BNC2: variants seen among roughly 807,000 people sequenced by gnomAD.
BNC2 encodes basonuclin zinc finger protein 2.
BNC2 carries 20 observed loss-of-function variants against 76.3 expected under a neutral mutation model. The ratio of observed to expected loss-of-function variants is 0.26; its 90% CI spans 0.18 to 0.38. The LOEUF (loss-of-function observed/expected upper bound fraction) is 0.38. Ranked by LOEUF, BNC2 falls within the 10% of genes least tolerant of loss-of-function variation. The probability of loss-of-function intolerance (pLI) is 1.00; values close to 1 mark genes in which losing one functional copy is unlikely to be tolerated. For synonymous variants in BNC2, 582 were observed against 514.8 expected (o/e 1.13, Z -1.77); for missense variants, 1,382 against 1,399.8 (o/e 0.99, Z 0.20).
intron 3 of BNC2, 113 bp downstream of exon 3, chr9:16,727,684 G>C: frequency 1.1e-6 from 1 of 897,806 alleles, no homozygotes; most frequent in Non-Finnish European, 1.7e-6. Flanking sequence ...ACTAGGAAGT[G>C]ACCACATTTT....
chr9:16,795,031 C>T (rs1185598175), intron 1 of BNC2, among the ~76,000 whole-genome samples: 2 of 152,208 alleles, frequency 1.3e-5, no homozygotes, highest in Non-Finnish European at 2.9e-5. Flanking sequence ...TCATTCTTCA[C>T]AGGGTTCACT....
At position 16,416,572 on chromosome 9, in the gene BNC2, A is replaced by G. The variant is rs149083323; in HGVS notation, c.*2417T>C. 5 of 152,738 alleles carry G rather than the reference A, an allele frequency of 3.3e-5. No homozygotes were observed. In the South Asian group the frequency reaches 6.2e-4, roughly 19 times the overall value. The allele number at this position is 152,738 out of a possible 1,614,324, so 9.5% of individuals were successfully genotyped here. ...TTCAAAGTACAAGAAAACAAAAACG[A>G]TTATTACTAATTCCTCAGCTTTTTA... On this transcript the variant is annotated 3_prime_UTR_variant, in exon 7 of 7. Coordinates refer to ENST00000380672, the MANE Select transcript of BNC2 (RefSeq NM_017637.6).
intron 5 of BNC2, among the ~76,000 whole-genome samples, chr9:16,505,083 CTCA>C (rs1320244706): frequency 6.6e-6 from 1 of 152,180 alleles, no homozygotes; most frequent in African/African-American, 2.4e-5. Flanking sequence ...CCTTGTTTCC[CTCA>C]TCTGTAAAAT....
chr9:16,832,969 C>CT (rs1042169218), intron 1 of BNC2, among the ~76,000 whole-genome samples: 1 of 152,080 alleles, frequency 6.6e-6, no homozygotes, highest in African/African-American at 2.4e-5. Flanking sequence ...GGTGATCCGC[C>CT]TGCCTTGACC....
At chr9:16,700,897 C>A (rs1175635358) in intron 3 of BNC2, among the ~76,000 whole-genome samples, 2 of 152,064 alleles carry the variant, frequency 1.3e-5, no homozygotes, top group Non-Finnish European at 2.9e-5. Context: ...AACCTGAGAT[C>A]GGGCCCCTGC....
chr9:16,551,169 T>C (rs540274816), intron 5 of BNC2, among the ~76,000 whole-genome samples: 2 of 152,324 alleles, frequency 1.3e-5, no homozygotes, highest in South Asian at 4.1e-4. Context: ...TTGCTACTAT[T>C]ATCACCATCA....
At chr9:16,450,457 C>T (rs1397908790) in intron 5 of BNC2, among the ~76,000 whole-genome samples, 1 of 152,150 alleles carries the variant, frequency 6.6e-6, no homozygotes, top group Non-Finnish European at 1.5e-5. Flanking sequence ...AAAACATTTT[C>T]AGATGTAAAA....
At chr9:16,608,153 GAA>G (rs1343650936) in intron 3 of BNC2, among the ~76,000 whole-genome samples, 1 of 152,150 alleles carries the variant, frequency 6.6e-6, no homozygotes, top group Non-Finnish European at 1.5e-5. Flanking sequence ...TCCATGAGCA[GAA>G]AAAGATTCCT....
chr9:16,539,758 G>A (rs867737258), intron 5 of BNC2, among the ~76,000 whole-genome samples: 25 of 86,120 alleles, frequency 2.9e-4, no homozygotes, highest in African/African-American at 1.7e-3. Flanking sequence ...GGGAAGGAAA[G>A]GAAAGGAAAA....
intron 1 of BNC2, among the ~76,000 whole-genome samples, chr9:16,819,436 G>C (rs1027273648): frequency 6.6e-6 from 1 of 152,186 alleles, no homozygotes; most frequent in Non-Finnish European, 1.5e-5. Flanking sequence ...GCCAAGCTGG[G>C]TGGATCACCT....
intron 3 of BNC2, among the ~76,000 whole-genome samples, chr9:16,595,109 T>C (rs1172754362): frequency 6.6e-6 from 1 of 152,130 alleles, no homozygotes; most frequent in East Asian, 1.9e-4. Flanking sequence ...TATGGTTATA[T>C]TAAGAAATGT....
intron 3 of BNC2, among the ~76,000 whole-genome samples, chr9:16,644,610 A>G (rs1481115540): frequency 6.6e-6 from 1 of 152,220 alleles, no homozygotes; most frequent in Non-Finnish European, 1.5e-5. Flanking sequence ...GAAAATCACC[A>G]TTTATCCTTT....
chr9:16,638,566 T>C (rs1821395457), intron 3 of BNC2, among the ~76,000 whole-genome samples: 1 of 152,316 alleles, frequency 6.6e-6, no homozygotes, highest in African/African-American at 2.4e-5. Flanking sequence ...TTCTCCCCTG[T>C]ACCCCTCAAA....
At chr9:16,580,205 G>A in intron 4 of BNC2, 1 of 398,408 alleles carries the variant, frequency 2.5e-6, no homozygotes. Flanking sequence ...AAAAAGAGTG[G>A]GTGCTGTCAT....
At position 16,436,189 on chromosome 9, in the gene BNC2, C is replaced by T. The variant is rs778850296; in HGVS notation, c.2005G>A (p.Asp669Asn). ...DPNDGGAVVNDMSHDNHCHSQ... is the reference protein window; with the variant it reads ...DPNDGGAVVNNMSHDNHCHSQ... The stretch of plus-strand genomic sequence containing the variant: ...TGACAATGATTGTCATGGCTCATGT[C>T]ATTGACCACAGCTCCACCATCATTG... The change falls in exon 6 of 7, where the codon GAC becomes AAC. Residue 669 changes from aspartate (D) to asparagine (N), a missense_variant. This residue lies in a region of BNC2 where 798 missense variants were observed against 775.5 expected (regional missense o/e 1.03). Coordinates refer to ENST00000380672, the MANE Select transcript of BNC2 (RefSeq NM_017637.6). 1.9e-6 allele frequency: 3 copies of T among 1,614,058 alleles called. No individual in the cohort carries two copies. Among genetic ancestry groups the T allele is most frequent in the East Asian group, 2.2e-5 (1 of 44,880 alleles).
chr9:16,837,653 A>C (rs73420797), intron 1 of BNC2, among the ~76,000 whole-genome samples: 7,560 of 152,260 alleles, frequency 0.05, 561 homozygotes, highest in African/African-American at 0.16. Context: ...ATAAAACCTC[A>C]GAATTATCTG....
chr9:16,615,055 C>G (rs530911248), intron 3 of BNC2, among the ~76,000 whole-genome samples: 1 of 149,308 alleles, frequency 6.7e-6, no homozygotes, highest in Non-Finnish European at 1.5e-5. Flanking sequence ...TGCAGACACA[C>G]CAGCATGCCC....
At chr9:16,713,805 G>A (rs1823919501) in intron 3 of BNC2, among the ~76,000 whole-genome samples, 1 of 152,084 alleles carries the variant, frequency 6.6e-6, no homozygotes, top group South Asian at 2.1e-4. Flanking sequence ...TGGGCGTGGT[G>A]CCCTCATGCT....
Position 16,435,698 on chromosome 9 carries a change from G to A in BNC2, c.2496C>T (p.Pro832=), listed in dbSNP as rs1820993590. ...PEGDLCSSPD[P]KICYVCKKSF... is the part of the protein sequence containing the mutation. ...TCTTCTTGCACACATAACAGATTTTGGGGTCTGGGCTAGAACATAGGTCAC... is the reference window on the plus strand; with the variant it reads ...TCTTCTTGCACACATAACAGATTTTAGGGTCTGGGCTAGAACATAGGTCAC... Residue 832 remains proline (P), a synonymous_variant, in exon 6 of 7, where the codon CCC becomes CCT. Coordinates refer to ENST00000380672, the MANE Select transcript of BNC2 (RefSeq NM_017637.6). 5 of 1,614,116 alleles carry A rather than the reference G, an allele frequency of 3.1e-6. No homozygotes were observed. The highest frequency in any genetic ancestry group is 2.5e-6 in the Non-Finnish European group (3 of 1,180,026).
Sources: allele counts gnomAD v4.1 joint callset (sites outside exome capture counted in the v4.1 genomes callset), GRCh38; gene constraint gnomAD v4.1.1; regional missense constraint gnomAD v4.1.1; transcripts MANE v1.5; gene names NCBI Gene and HGNC (gene_info 2026-07-23, HGNC 2026-07-21).